CTNNA2: variants seen among roughly 807,000 people sequenced by gnomAD.
CTNNA2 encodes catenin alpha-2.
CTNNA2 carries 42 observed loss-of-function variants against 101.0 expected under a neutral mutation model. That is an observed-to-expected ratio of 0.42 (90% CI 0.32 to 0.54). CTNNA2 has a LOEUF of 0.54. Ranked by LOEUF, CTNNA2 falls within the 20% of genes least tolerant of loss-of-function variation. CTNNA2 has a pLI of 0.14. For synonymous variants in CTNNA2, 450 were observed against 456.4 expected, an observed-to-expected ratio of 0.99 and a Z score of 0.18; for missense variants, 871 against 1,223.1, an observed-to-expected ratio of 0.71 and a Z score of 4.29.
chr2:79,779,894 A>T (rs1448253546), intron 3 of CTNNA2, among the ~76,000 whole-genome samples: 1 of 152,146 alleles, frequency 6.6e-6, no homozygotes, highest in Non-Finnish European at 1.5e-5. Flanking sequence ...TCAGGCCATG[A>T]TGGGAGGTGG....
In CTNNA2 at chr2:80,160,862, A is replaced by G. The variant is rs151323113; in HGVS notation, c.1057-232349A>G. 3.4e-4 allele frequency among the ~76,000 whole-genome samples: 52 copies of G among 151,424 alleles called. No homozygotes were observed. In the South Asian group the frequency reaches 6.9e-3, roughly 20 times the overall value. On this transcript the variant is annotated intron_variant, in intron 7 of 18. Transcript: ENST00000402739. ...TCCAATCTTATAGGAAAATCATTCAATCTTTCAGCATTAACTATAATGTTG... is the reference window on the plus strand; with the variant it reads ...TCCAATCTTATAGGAAAATCATTCAGTCTTTCAGCATTAACTATAATGTTG...
At chr2:79,209,054 G>A (rs59566255) in intron 2 of CTNNA2, among the ~76,000 whole-genome samples, 9,631 of 152,180 alleles carry the variant, frequency 0.063, 386 homozygotes, top group East Asian at 0.16. Flanking sequence ...GGTGGCTCAC[G>A]CTTGTAATCC....
intron 4 of CTNNA2, among the ~76,000 whole-genome samples, chr2:79,491,066 G>A (rs1289512511): frequency 6.6e-6 from 1 of 152,100 alleles, no homozygotes; most frequent in Non-Finnish European, 1.5e-5. Flanking sequence ...AATTATAGAG[G>A]AAGAGGAAAA....
intron 2 of CTNNA2, among the ~76,000 whole-genome samples, chr2:79,708,492 C>T (rs1573747324): frequency 6.6e-6 from 1 of 152,088 alleles, no homozygotes; most frequent in South Asian, 2.1e-4. Context: ...CTTTAAATGT[C>T]TTAAATCTTT....
intron 9 of CTNNA2, among the ~76,000 whole-genome samples, chr2:80,517,146 A>C (rs1391251245): frequency 6.6e-6 from 1 of 152,188 alleles, no homozygotes; most frequent in Non-Finnish European, 1.5e-5. Flanking sequence ...AGGCACTATA[A>C]ATTTGTTTTC....
At chr2:79,906,237 A>G (rs72918654) in intron 6 of CTNNA2, among the ~76,000 whole-genome samples, 1,861 of 152,062 alleles carry the variant, frequency 0.012, 48 homozygotes, top group African/African-American at 0.042. Context: ...CTTGCCCCAT[A>G]CACACATACA....
At chr2:80,151,172 G>A (rs1163799291) in intron 7 of CTNNA2, among the ~76,000 whole-genome samples, 2 of 152,314 alleles carry the variant, frequency 1.3e-5, no homozygotes, top group African/African-American at 4.8e-5. Context: ...AGAAGCCTAT[G>A]TTTCCTTCCT....
intron 3 of CTNNA2, among the ~76,000 whole-genome samples, chr2:79,355,363 G>A (rs2082624): frequency 0.018 from 2,713 of 152,164 alleles, 85 homozygotes; most frequent in African/African-American, 0.059. Context: ...CATGAACATA[G>A]GGTGTTTTTC....
At chr2:80,640,505 C>CA (rs1338143767) in intron 18 of CTNNA2, among the ~76,000 whole-genome samples, 1 of 152,194 alleles carries the variant, frequency 6.6e-6, no homozygotes, top group Non-Finnish European at 1.5e-5. Flanking sequence ...TGAACCTTTT[C>CA]ACCATGTCTT....
At chr2:79,449,373 A>G (rs1678865685) in intron 4 of CTNNA2, among the ~76,000 whole-genome samples, 2 of 152,046 alleles carry the variant, frequency 1.3e-5, no homozygotes, top group South Asian at 4.1e-4. Context: ...TCTCATGCCA[A>G]CATCAGAAGC....
At chr2:79,917,010 G>T (rs1255921719) in intron 7 of CTNNA2, among the ~76,000 whole-genome samples, 1 of 152,006 alleles carries the variant, frequency 6.6e-6, no homozygotes, top group African/African-American at 2.4e-5. Context: ...GCAGTGGCGC[G>T]ATCTTAGCTC....
intron 3 of CTNNA2, among the ~76,000 whole-genome samples, chr2:79,822,812 C>T (rs1476135512): frequency 4.6e-5 from 7 of 152,134 alleles, no homozygotes; most frequent in Admixed American, 1.3e-4. Context: ...TCTCTCTGTA[C>T]GCTTAAAGAC....
intron 4 of CTNNA2, among the ~76,000 whole-genome samples, chr2:79,420,464 G>A (rs1678529429): frequency 6.6e-6 from 1 of 152,172 alleles, no homozygotes; most frequent in Non-Finnish European, 1.5e-5. Flanking sequence ...CTAAAGGCAG[G>A]CTAAACTGCC....
rs552954544 is a variant in CTNNA2 at position 80,285,099 on chromosome 2, T to A, written c.1057-108112T>A. ...TATTACTCTGAGGTTTCCAAGTAGA[T>A]GTCCGTCCAGCTGGTCAGCCATGAC... On this transcript the variant is annotated intron_variant, in intron 7 of 18. Coordinates refer to ENST00000402739, the MANE Select transcript of CTNNA2 (RefSeq NM_001282597.3). Among the ~76,000 whole-genome samples the A allele has an allele frequency of 2.0e-5, 3 of 152,228 alleles. No homozygotes were observed. In the East Asian group the frequency reaches 5.8e-4, roughly 30 times the overall value.
chr2:79,752,948 G>T (rs1169226715), intron 3 of CTNNA2, among the ~76,000 whole-genome samples: 1 of 152,194 alleles, frequency 6.6e-6, no homozygotes, highest in African/African-American at 2.4e-5. Flanking sequence ...AGCAGGTAGG[G>T]AGGAGAGATA....
intron 4 of CTNNA2, among the ~76,000 whole-genome samples, chr2:79,490,469 C>T (rs1211604330): frequency 6.6e-6 from 1 of 152,158 alleles, no homozygotes; most frequent in Non-Finnish European, 1.5e-5. Flanking sequence ...AGGGTTTCCA[C>T]TTTAAACTGC....
chr2:80,523,604 G>A (rs1689763640), intron 9 of CTNNA2, among the ~76,000 whole-genome samples: 1 of 152,170 alleles, frequency 6.6e-6, no homozygotes, highest in East Asian at 1.9e-4. Context: ...TGATGGGGCT[G>A]GGCTCTACAG....
chr2:80,059,106 T>C (rs146020813), intron 7 of CTNNA2, among the ~76,000 whole-genome samples: 47 of 152,302 alleles, frequency 3.1e-4, no homozygotes, highest in African/African-American at 1.1e-3. Flanking sequence ...TGCATTTGTG[T>C]AGTTATAAGG....
intron 7 of CTNNA2, among the ~76,000 whole-genome samples, chr2:80,191,293 A>G (rs1706484194): frequency 6.6e-6 from 1 of 152,216 alleles, no homozygotes; most frequent in South Asian, 2.1e-4. Flanking sequence ...CACACTTCCT[A>G]TCAGTATTCC....
Sources: gnomAD v4.1 joint callset for allele counts (sites outside exome capture counted in the v4.1 genomes callset) on GRCh38, gnomAD v4.1.1 for gene constraint, MANE v1.5 for transcripts, NCBI Gene and HGNC (gene_info 2026-07-23, HGNC 2026-07-21) for gene names.